The following SORCS3 variants were observed in gnomAD, a reference collection of about 807,000 sequenced individuals.
The protein encoded by SORCS3 is sortilin related VPS10 domain containing receptor 3, also known as VPS10 domain-containing receptor SorCS3.
SORCS3 carries 57 observed loss-of-function variants against 146.3 expected under a neutral mutation model. The observed-to-expected ratio is 0.39, with a 90% CI of 0.31 to 0.49. The LOEUF (loss-of-function observed/expected upper bound fraction) is 0.49, where lower values mean the gene tolerates loss of function less well. Ranked by LOEUF, SORCS3 falls within the 20% of genes least tolerant of loss-of-function variation. The pLI, the probability that SORCS3 is intolerant of heterozygous loss-of-function variation, is 0.92. For missense variants in SORCS3, 1,341 were observed against 1,575.5 expected (o/e 0.85, Z 2.52); for synonymous variants, 653 against 618.5 (o/e 1.06, Z -0.83).
chr10:104,784,929 G>T (rs994225328), intron 1 of SORCS3, among the ~76,000 whole-genome samples: 2 of 152,150 alleles, frequency 1.3e-5, no homozygotes, highest in Non-Finnish European at 2.9e-5. Flanking sequence ...AGCCGCCATT[G>T]TCATCCTGGC....
chr10:104,689,563 C>T (rs1364203834), intron 1 of SORCS3, among the ~76,000 whole-genome samples: 1 of 152,192 alleles, frequency 6.6e-6, no homozygotes, highest in Non-Finnish European at 1.5e-5. Context: ...TTAAATGTCA[C>T]CTTTTCAGAG....
At chr10:105,002,974 T>C (rs1488813801) in intron 4 of SORCS3, among the ~76,000 whole-genome samples, 1 of 152,184 alleles carries the variant, frequency 6.6e-6, no homozygotes, top group East Asian at 1.9e-4. Flanking sequence ...ACTACCCTAC[T>C]AGGTAAGTGC....
intron 1 of SORCS3, among the ~76,000 whole-genome samples, chr10:104,789,208 C>T (rs1235087423): frequency 6.6e-6 from 1 of 152,186 alleles, no homozygotes; most frequent in Non-Finnish European, 1.5e-5. Flanking sequence ...TGTTCAAGGT[C>T]CAGGCTTCTA....
chr10:104,986,488 C>T (rs930772639), intron 4 of SORCS3, among the ~76,000 whole-genome samples: 3 of 152,150 alleles, frequency 2.0e-5, no homozygotes, highest in South Asian at 2.1e-4. Context: ...TTGTAATTTC[C>T]TTCAAAAACT....
chr10:104,974,836 G>A (rs528852015), intron 3 of SORCS3, among the ~76,000 whole-genome samples: 4 of 152,112 alleles, frequency 2.6e-5, no homozygotes, highest in Non-Finnish European at 1.5e-5. Flanking sequence ...GCTGGTACCG[G>A]TTGTTCCTTT....
intron 1 of SORCS3, among the ~76,000 whole-genome samples, chr10:104,829,702 T>C (rs904985132): frequency 1.3e-5 from 2 of 152,064 alleles, no homozygotes; most frequent in African/African-American, 4.8e-5. Context: ...AGTAGCCAAA[T>C]CCAATGGTTG....
At chr10:105,173,790 T>C (rs1359023583) in intron 13 of SORCS3, among the ~76,000 whole-genome samples, 1 of 152,234 alleles carries the variant, frequency 6.6e-6, no homozygotes, top group Non-Finnish European at 1.5e-5. Flanking sequence ...ATCTTTCTGT[T>C]CTTCTCACAG....
At chr10:105,064,091 A>G (rs2055506146) in intron 5 of SORCS3, among the ~76,000 whole-genome samples, 1 of 152,240 alleles carries the variant, frequency 6.6e-6, no homozygotes, top group Non-Finnish European at 1.5e-5. Flanking sequence ...TCAGGCACTG[A>G]ACTAGGCATT....
chr10:104,772,106 T>C (rs973040455), intron 1 of SORCS3, among the ~76,000 whole-genome samples: 65 of 152,170 alleles, frequency 4.3e-4, no homozygotes, highest in African/African-American at 1.2e-3. Flanking sequence ...TCTTGGGTGT[T>C]GCAACCTGGA....
intron 22 of SORCS3, among the ~76,000 whole-genome samples, chr10:105,248,902 A>G (rs2056883068): frequency 6.6e-6 from 1 of 152,174 alleles, no homozygotes; most frequent in Non-Finnish European, 1.5e-5. Flanking sequence ...TATGAAAAGT[A>G]TGAAAAGTAT....
At chr10:105,182,949 C>T (rs1029215887) in intron 14 of SORCS3, among the ~76,000 whole-genome samples, 1 of 152,086 alleles carries the variant, frequency 6.6e-6, no homozygotes, top group African/African-American at 2.4e-5. Flanking sequence ...GTGATCTGCC[C>T]ACCTCAGCCT....
chr10:105,179,493 C>A (rs893369491), intron 14 of SORCS3, among the ~76,000 whole-genome samples: 5 of 152,178 alleles, frequency 3.3e-5, no homozygotes, highest in African/African-American at 7.2e-5. Flanking sequence ...TATCAAGATA[C>A]TTAGAGAATA....
intron 1 of SORCS3, among the ~76,000 whole-genome samples, chr10:104,700,722 G>C (rs995044499): frequency 1.3e-5 from 2 of 152,124 alleles, no homozygotes; most frequent in African/African-American, 4.8e-5. Context: ...CACGGGGTGG[G>C]GCTTTATGGT....
At chr10:105,030,535 A>G (rs1419671344) in intron 4 of SORCS3, among the ~76,000 whole-genome samples, 2 of 152,152 alleles carry the variant, frequency 1.3e-5, no homozygotes, top group African/African-American at 4.8e-5. Context: ...GAACAAGGAC[A>G]ATCTAGACTT....
At chr10:104,873,653 C>T (rs972594541) in intron 2 of SORCS3, among the ~76,000 whole-genome samples, 1 of 152,148 alleles carries the variant, frequency 6.6e-6, no homozygotes, top group Non-Finnish European at 1.5e-5. Flanking sequence ...ATAATTGTGG[C>T]ATATCTTTAA....
At chr10:104,918,228 C>G (rs951903187) in intron 3 of SORCS3, among the ~76,000 whole-genome samples, 8 of 152,100 alleles carry the variant, frequency 5.3e-5, no homozygotes, top group Non-Finnish European at 8.8e-5. Context: ...CACCTCAGAT[C>G]CCACTCATGA....
At chr10:105,009,244 A>G (rs1315985502) in intron 4 of SORCS3, among the ~76,000 whole-genome samples, 1 of 152,200 alleles carries the variant, frequency 6.6e-6, no homozygotes, top group Non-Finnish European at 1.5e-5. Flanking sequence ...CCAAAGGAGA[A>G]ACTAATTTTT....
chr10:105,240,031 G>C (rs562720240), intron 20 of SORCS3, among the ~76,000 whole-genome samples: 11 of 152,338 alleles, frequency 7.2e-5, no homozygotes, highest in African/African-American at 2.6e-4. Context: ...AGCACAGTTT[G>C]TTTGCTGTGG....
intron 4 of SORCS3, among the ~76,000 whole-genome samples, chr10:105,030,745 A>T (rs2055261055): frequency 6.6e-6 from 1 of 151,986 alleles, no homozygotes; most frequent in African/African-American, 2.4e-5. Context: ...GGCATGTGCC[A>T]CTATGCCTAG....
Sources: gnomAD v4.1 joint callset for allele counts (sites outside exome capture counted in the v4.1 genomes callset) on GRCh38, gnomAD v4.1.1 for gene constraint, MANE v1.5 for transcripts, NCBI Gene and HGNC (gene_info 2026-07-23, HGNC 2026-07-21) for gene names.